SLCO1A2: variants seen among roughly 807,000 people sequenced by gnomAD.
The protein encoded by SLCO1A2 is OATP-1.
In SLCO1A2, 67 loss-of-function variants were observed where a neutral mutation model predicts 69.0. The observed-to-expected ratio is 0.97, with a 90% confidence interval of 0.80 to 1.19. The LOEUF (loss-of-function observed/expected upper bound fraction) is 1.19, where lower values mean the gene tolerates loss of function less well. SLCO1A2 is among the 50% of genes most tolerant of loss of function. SLCO1A2 has a pLI of 0.00. For missense variants in SLCO1A2, 787 were observed against 793.7 expected (o/e 0.99, Z 0.10); for synonymous variants, 260 against 265.9 (o/e 0.98, Z 0.22).
intron 2 of SLCO1A2, among the ~76,000 whole-genome samples, chr12:21,356,322 T>C (rs1382907569): frequency 6.6e-6 from 1 of 152,054 alleles, no homozygotes; most frequent in African/African-American, 2.4e-5. Flanking sequence ...ATACCTATGA[T>C]ATTAAGAAAT....
At chr12:21,395,473 A>C (rs552519167), upstream of SLCO1A2, 155 of 154,672 alleles carry the variant, frequency 1.0e-3, no homozygotes, top group Middle Eastern at 3.2e-3. Flanking sequence ...CCCAGGCTTG[A>C]TTAGGTAAAC....
intron 1 of SLCO1A2, among the ~76,000 whole-genome samples, chr12:21,377,807 G>A (rs1375077032): frequency 1.3e-5 from 2 of 151,976 alleles, no homozygotes; most frequent in Non-Finnish European, 2.9e-5. Flanking sequence ...AAGTAATGCT[G>A]CTTTATTCTT....
rs1942307024 is a variant in SLCO1A2 at position 21,268,567 on chromosome 12, AAAT to A, written c.*978_*980del. On this transcript the variant is annotated 3_prime_UTR_variant, in exon 15 of 15. Transcript: ENST00000683939. ...TTTTTAATTTTATCCATAATTTACAAAATAATAATATAAGTAGATTTAGCTTTT... is the reference window on the plus strand; with the variant it reads ...TTTTTAATTTTATCCATAATTTACAAAATAATATAAGTAGATTTAGCTTTT... The A allele has an allele frequency of 6.6e-6, 1 of 152,106 alleles. No homozygotes were observed. Among genetic ancestry groups the A allele is most frequent in the Admixed American group, 6.6e-5 (1 of 15,244 alleles). The allele number at this position is 152,106 out of a possible 1,614,324, so 9.4% of individuals were successfully genotyped here. A position where few individuals can be genotyped will look rare whatever the true frequency, so the allele number is the denominator to read the frequency against.
At chr12:21,312,009 AGAG>A (rs774875303) in intron 4 of SLCO1A2, among the ~76,000 whole-genome samples, 17 of 150,218 alleles carry the variant, frequency 1.1e-4, no homozygotes, top group East Asian at 3.9e-4. Flanking sequence ...GAGGAGAAGA[AGAG>A]GAGGAGGGAG....
chr12:21,291,940 G>A (rs1478555937), intron 12 of SLCO1A2, among the ~76,000 whole-genome samples: 1 of 152,062 alleles, frequency 6.6e-6, no homozygotes, highest in African/African-American at 2.4e-5. Flanking sequence ...TAAGAAATAA[G>A]GAAGAAAAGT....
intron 1 of SLCO1A2, among the ~76,000 whole-genome samples, chr12:21,375,346 G>C (rs1029736660): frequency 1.3e-5 from 2 of 152,148 alleles, no homozygotes; most frequent in Non-Finnish European, 2.9e-5. Context: ...TTGTCATGCT[G>C]AGATGTTAAA....
chr12:21,297,202 T>TTTCCTTCTTTCC (rs201071522), intron 9 of SLCO1A2, among the ~76,000 whole-genome samples: 6 of 150,402 alleles, frequency 4.0e-5, no homozygotes, highest in Admixed American at 3.3e-4. Context: ...CCTTTCTTTC[T>TTTCCTTCTTTCC]TTCCTTCTTT....
At chr12:21,295,869 G>A (rs1374876154) in intron 9 of SLCO1A2, 77 bp from the exon 10 acceptor site, 3 of 764,938 alleles carry the variant, frequency 3.9e-6, no homozygotes, top group Non-Finnish European at 6.4e-6. Flanking sequence ...TATGTAATAT[G>A]CCTTATATAA....
intron 1 of SLCO1A2, among the ~76,000 whole-genome samples, chr12:21,381,622 C>T (rs1033046245): frequency 6.6e-6 from 1 of 152,012 alleles, no homozygotes; most frequent in Non-Finnish European, 1.5e-5. Flanking sequence ...ATGGTGAAAT[C>T]CCATCTCTAC....
At chr12:21,327,182 G>T (rs1952303527) in intron 2 of SLCO1A2, among the ~76,000 whole-genome samples, 1 of 152,166 alleles carries the variant, frequency 6.6e-6, no homozygotes, top group Non-Finnish European at 1.5e-5. Context: ...GGTTGGGCCT[G>T]CAGGTGCATA....
At chr12:21,285,162 T>C (rs1369347573) in intron 12 of SLCO1A2, among the ~76,000 whole-genome samples, 3 of 147,416 alleles carry the variant, frequency 2.0e-5, no homozygotes, top group Non-Finnish European at 4.5e-5. Flanking sequence ...CAATAAAAAA[T>C]GATAAAGGGG....
intron 2 of SLCO1A2, among the ~76,000 whole-genome samples, chr12:21,320,199 A>T (rs141553257): frequency 1.3e-5 from 2 of 152,208 alleles, no homozygotes; most frequent in East Asian, 3.9e-4. Context: ...CCAATCACAC[A>T]ACTTATTTTC....
At chr12:21,410,019 G>A (rs1432837591) in intron 1 of SLCO1A2, among the ~76,000 whole-genome samples, 2 of 152,108 alleles carry the variant, frequency 1.3e-5, no homozygotes, top group Non-Finnish European at 2.9e-5. Context: ...TGGCTCTCAG[G>A]AGCATAACAT....
chr12:21,373,419 C>T lies in SLCO1A2; in HGVS notation c.-63+980G>A, dbSNP rs1939945928. Reference sequence around the variant, plus strand: ...GTTGCATTGAACCATCTGAAAGCTACACCCATTGAAAGGTTGGTAACTTTA... The same window carrying T: ...GTTGCATTGAACCATCTGAAAGCTATACCCATTGAAAGGTTGGTAACTTTA... On this transcript the variant is annotated intron_variant, in intron 2 of 15. Transcript: ENST00000307378. 6.2e-7 allele frequency: 1 copy of T among 1,611,700 alleles called. No homozygotes were observed. Among genetic ancestry groups the T allele is most frequent in the African/African-American group, 1.3e-5 (1 of 75,002 alleles).
Position 21,300,340 on chromosome 12 carries a change from A to G in SLCO1A2, c.910+8T>C, listed in dbSNP as rs1272079129. The stretch of plus-strand genomic sequence containing the variant: ...CAATTTCATAGTATTTAGAATATGT[A>G]TATTTGCCTTTAGTGATTCCATATT... On this transcript the variant is annotated splice_region_variant and intron_variant, in intron 8 of 14. Coordinates refer to ENST00000683939, the MANE Select transcript of SLCO1A2 (RefSeq NM_001386879.1). 3 of 1,570,102 alleles carry G rather than the reference A, an allele frequency of 1.9e-6. No individual in the cohort carries two copies. Among genetic ancestry groups the G allele is most frequent in the Admixed American group, 1.7e-5 (1 of 59,176 alleles).
At chr12:21,310,624 C>T (rs1379943289) in intron 4 of SLCO1A2, among the ~76,000 whole-genome samples, 2 of 152,176 alleles carry the variant, frequency 1.3e-5, no homozygotes, top group African/African-American at 4.8e-5. Flanking sequence ...GTTTTTGAGA[C>T]GGAGTCTCGC....
At chr12:21,343,860 G>T (rs774583767) in intron 2 of SLCO1A2, among the ~76,000 whole-genome samples, 21 of 152,160 alleles carry the variant, frequency 1.4e-4, no homozygotes, top group Admixed American at 3.3e-4. Context: ...ACAAAATTTT[G>T]CAATACCTTT....
chr12:21,406,126 T>G (rs914019987), intron 1 of SLCO1A2, among the ~76,000 whole-genome samples: 29 of 152,314 alleles, frequency 1.9e-4, no homozygotes, highest in African/African-American at 7.0e-4. Context: ...ATCCTTTTCT[T>G]TTGCTAGGTT....
At chr12:21,280,865 CA>C (rs946380174) in intron 12 of SLCO1A2, among the ~76,000 whole-genome samples, 32 of 151,452 alleles carry the variant, frequency 2.1e-4, no homozygotes, top group African/African-American at 6.3e-4. Context: ...TTAAAACATC[CA>C]AAAAAAATTG....
Sources: gnomAD v4.1 joint callset for allele counts (sites outside exome capture counted in the v4.1 genomes callset) on GRCh38, gnomAD v4.1.1 for gene constraint, MANE v1.5 for transcripts, NCBI Gene and HGNC (gene_info 2026-07-23, HGNC 2026-07-21) for gene names.